ATP10B: variants seen among roughly 807,000 people sequenced by gnomAD.
The protein encoded by ATP10B is ATPase phospholipid transporting 10B (putative).
A neutral mutation model predicts 141.2 loss-of-function variants in ATP10B; 122 were observed. The observed-to-expected ratio is 0.86, with a 90% CI of 0.75 to 1.00. The LOEUF is 1.00. Among genes scored for constraint, ATP10B ranks in the 50% least tolerant of loss-of-function variants. ATP10B has a pLI of 0.00. For missense variants in ATP10B, 1,876 were observed against 1,825.3 expected, an observed-to-expected ratio of 1.03 and a Z score of -0.51; for synonymous variants, 685 against 692.0, an observed-to-expected ratio of 0.99 and a Z score of 0.16.
chr5:160,603,671 C>T, intron 20 of ATP10B: 1 of 395,156 alleles, frequency 2.5e-6, no homozygotes. Context: ...CAAATGTTTA[C>T]ACTGGTGGTG....
At chr5:160,677,731 A>C (rs1561741821) in intron 6 of ATP10B, among the ~76,000 whole-genome samples, 2 of 152,240 alleles carry the variant, frequency 1.3e-5, no homozygotes, top group African/African-American at 4.8e-5. Context: ...GCAGTAACTC[A>C]TTTAATACCT....
intron 6 of ATP10B, among the ~76,000 whole-genome samples, chr5:160,685,630 T>TC (rs2127744187): frequency 6.6e-6 from 1 of 152,344 alleles, no homozygotes; most frequent in Non-Finnish European, 1.5e-5. Flanking sequence ...AAAGAGTTTC[T>TC]CCTGAACTTA....
chr5:160,587,650 T>C, intron 24 of ATP10B, among the ~76,000 whole-genome samples: 1 of 152,210 alleles, frequency 6.6e-6, no homozygotes, highest in East Asian at 1.9e-4. Flanking sequence ...TTCACTTCCA[T>C]TGTTAGCTGT....
the ATP10B span, among the ~76,000 whole-genome samples, chr5:160,860,127 C>G: frequency 0.11 from 17,198 of 151,868 alleles, 1,162 homozygotes; most frequent in East Asian, 0.18. Flanking sequence ...ATTCAATTGT[C>G]TGCCCAGGGT....
At position 160,769,755 on chromosome 5, in the gene ATP10B, G is replaced by A. The variant is rs575248186; in HGVS notation, c.-331+15804C>T. 1.8e-4 allele frequency among the ~76,000 whole-genome samples: 28 copies of A among 152,270 alleles called. No individual in the cohort carries two copies. In the Middle Eastern group the frequency reaches 0.01, roughly 55 times the overall value. On this transcript the variant is annotated intron_variant, in intron 2 of 25. Transcript: ENST00000327245. ...CTCTTGTTCAACATCATTTTCAGTC[G>A]GTTGCCATAGTACAATTAGTAGCAT... is the stretch of plus-strand genomic sequence containing the variant.
At chr5:160,834,364 C>T (rs529668753) in intron 1 of ATP10B, among the ~76,000 whole-genome samples, 2 of 152,040 alleles carry the variant, frequency 1.3e-5, no homozygotes, top group African/African-American at 4.8e-5. Context: ...GGTGATCAAA[C>T]CAACAGTGCT....
rs139882333 is a variant in ATP10B, at chr5:160,634,508, G to T, written c.1227C>A (p.Thr409=). ...SNDLDLYDEE[T]DLSIQCRALN... ...GGGCTCGACATTGAATGGATAAATC[G>T]GTCTCTTCATCATACAGGTCAAGGT... The change falls in exon 12 of 26, where the codon ACC becomes ACA. Residue 409 remains threonine, a synonymous_variant. Transcript: ENST00000327245. The T allele has an allele frequency of 6.2e-7, 1 of 1,614,038 alleles. No individual in the cohort carries two copies. Among genetic ancestry groups the T allele is most frequent in the Admixed American group, 1.7e-5 (1 of 60,008 alleles).
intron 24 of ATP10B, among the ~76,000 whole-genome samples, chr5:160,589,170 C>A (rs1409404382): frequency 6.6e-6 from 1 of 152,082 alleles, no homozygotes; most frequent in Non-Finnish European, 1.5e-5. Context: ...TGCTACCACA[C>A]CCAACTAATT....
the ATP10B span, among the ~76,000 whole-genome samples, chr5:160,864,027 T>C: frequency 9.2e-5 from 14 of 151,962 alleles, no homozygotes; most frequent in Non-Finnish European, 2.1e-4. Context: ...CAAAGAAGAA[T>C]TGGTGCCAAT....
At chr5:160,789,693 A>G (rs1467481252) in intron 1 of ATP10B, among the ~76,000 whole-genome samples, 6 of 152,184 alleles carry the variant, frequency 3.9e-5, no homozygotes, top group Non-Finnish European at 8.8e-5. Context: ...TATTGGCTAC[A>G]GATTACAGAC....
chr5:160,756,809 G>C (rs11955918), intron 2 of ATP10B, among the ~76,000 whole-genome samples: 4,375 of 151,782 alleles, frequency 0.029, 204 homozygotes, highest in African/African-American at 0.1. Context: ...TTTTTTAATG[G>C]GTTGTCTTAA....
chr5:160,572,014 A>C (rs1754904184), intron 24 of ATP10B, among the ~76,000 whole-genome samples: 1 of 152,186 alleles, frequency 6.6e-6, no homozygotes, highest in East Asian at 1.9e-4. Context: ...TTAGGAGCCT[A>C]GGTATTGATT....
chr5:160,721,297 T>C (rs1297058578), intron 2 of ATP10B, among the ~76,000 whole-genome samples: 1 of 152,038 alleles, frequency 6.6e-6, no homozygotes, highest in East Asian at 1.9e-4. Flanking sequence ...AAAAAGAAAA[T>C]AAGGTTTTGA....
At chr5:160,909,400 T>C in the ATP10B span, among the ~76,000 whole-genome samples, 1 of 152,192 alleles carries the variant, frequency 6.6e-6, no homozygotes, top group African/African-American at 2.4e-5. Flanking sequence ...TTTGGTCTTA[T>C]CACATAGCAC....
In ATP10B at chr5:160,652,875, TAATA is replaced by T. The variant is rs1561701127; in HGVS notation, c.676-3623_676-3620del. Among the ~76,000 whole-genome samples, 124 of 95,216 alleles carry T rather than the reference TAATA, an allele frequency of 1.3e-3. 6 individuals carry two copies. Among genetic ancestry groups the T allele is most frequent in the African/African-American group, 4.6e-3 (112 of 24,150 alleles). The allele number at this position is 95,216 out of a possible 152,430, so 62.5% of individuals were successfully genotyped here. On this transcript the variant is annotated intron_variant, in intron 7 of 25. Transcript: ENST00000327245. ...GATTATAAATTATATATAATATATA[TAATA>T]TATATATAATTATATAATATATTAT...
chr5:160,704,550 T>TA (rs1298479469), intron 3 of ATP10B, among the ~76,000 whole-genome samples: 1 of 152,180 alleles, frequency 6.6e-6, no homozygotes, highest in Non-Finnish European at 1.5e-5. Flanking sequence ...TTAGGAATGG[T>TA]AAATGAGCAT....
chr5:160,848,338 T>A (rs1350760643), intron 1 of ATP10B, among the ~76,000 whole-genome samples: 1 of 152,190 alleles, frequency 6.6e-6, no homozygotes, highest in East Asian at 1.9e-4. Context: ...TTATACCATT[T>A]CTATGATGTT....
At chr5:160,748,977 T>G (rs1412654785) in intron 2 of ATP10B, among the ~76,000 whole-genome samples, 2 of 152,312 alleles carry the variant, frequency 1.3e-5, no homozygotes, top group South Asian at 4.1e-4. Flanking sequence ...GGAGGAATGA[T>G]CTCTTTTGTA....
At chr5:160,699,519 G>A (rs1014756874) in intron 3 of ATP10B, among the ~76,000 whole-genome samples, 19 of 152,244 alleles carry the variant, frequency 1.2e-4, no homozygotes, top group Middle Eastern at 3.4e-3. Flanking sequence ...AGTACACCCC[G>A]GAAGAACTGA....
Sources: gnomAD v4.1 joint callset for allele counts (sites outside exome capture counted in the v4.1 genomes callset) on GRCh38, gnomAD v4.1.1 for gene constraint, MANE v1.5 for transcripts, NCBI Gene and HGNC (gene_info 2026-07-23, HGNC 2026-07-21) for gene names.